The following GRIK2 variants were observed in gnomAD, a reference collection of about 807,000 sequenced individuals.
GRIK2 encodes glutamate receptor ionotropic, kainate 2.
GRIK2 carries 32 observed loss-of-function variants against 100.3 expected under a neutral mutation model. The observed-to-expected ratio is 0.32, with a 90% CI of 0.24 to 0.43. GRIK2 has a LOEUF of 0.43. Ranked by LOEUF, GRIK2 falls within the 20% of genes least tolerant of loss-of-function variation. The probability of loss-of-function intolerance (pLI) is 1.00; values close to 1 mark genes in which losing one functional copy is unlikely to be tolerated. For synonymous variants in GRIK2, 417 were observed against 389.4 expected, an observed-to-expected ratio of 1.07 and a Z score of -0.83; for missense variants, 843 against 1,114.9, an observed-to-expected ratio of 0.76 and a Z score of 3.47.
intron 2 of GRIK2, among the ~76,000 whole-genome samples, chr6:101,560,349 AC>A (rs1562226403): frequency 6.6e-6 from 1 of 152,086 alleles, no homozygotes. Flanking sequence ...TTTTGTAGTT[AC>A]TTTTATTTGT....
intron 7 of GRIK2, among the ~76,000 whole-genome samples, chr6:101,780,842 T>G (rs1427420429): frequency 6.6e-6 from 1 of 152,178 alleles, no homozygotes; most frequent in Non-Finnish European, 1.5e-5. Flanking sequence ...GCCTTTGCCC[T>G]TTGAAAACCT....
intron 4 of GRIK2, 61 bp from the exon 5 acceptor site, chr6:101,676,562 C>G: frequency 1.0e-6 from 1 of 953,640 alleles, no homozygotes; most frequent in Admixed American, 2.7e-5. Flanking sequence ...TTTTCTGATT[C>G]TTTGCCCTAC....
chr6:101,478,404 T>C (rs555095955), intron 2 of GRIK2, among the ~76,000 whole-genome samples: 203 of 151,726 alleles, frequency 1.3e-3, no homozygotes, highest in African/African-American at 4.4e-3. Flanking sequence ...GATTAAGAAA[T>C]TAAAAGAATT....
intron 14 of GRIK2, among the ~76,000 whole-genome samples, chr6:101,974,085 T>C (rs567736654): frequency 6.6e-6 from 1 of 151,992 alleles, no homozygotes; most frequent in Non-Finnish European, 1.5e-5. Context: ...TTTTTAATAA[T>C]AGAGTCTCTA....
chr6:101,527,093 A>G (rs1454081699), intron 2 of GRIK2, among the ~76,000 whole-genome samples: 9 of 152,160 alleles, frequency 5.9e-5, no homozygotes. Flanking sequence ...TATAAACACT[A>G]GGCATCTGAT....
intron 14 of GRIK2, among the ~76,000 whole-genome samples, chr6:101,989,333 C>T (rs1794228500): frequency 6.6e-6 from 1 of 151,618 alleles, no homozygotes; most frequent in African/African-American, 2.4e-5. Context: ...GTAATTCACA[C>T]TGGTTTTGAT....
At chr6:101,556,099 C>A (rs949980165) in intron 2 of GRIK2, among the ~76,000 whole-genome samples, 3 of 151,726 alleles carry the variant, frequency 2.0e-5, no homozygotes, top group African/African-American at 4.8e-5. Context: ...ATCACAGATG[C>A]GTCTCTAAAT....
chr6:101,805,677 TAATA>T (rs1477338499), intron 9 of GRIK2, among the ~76,000 whole-genome samples: 1 of 151,994 alleles, frequency 6.6e-6, no homozygotes, highest in Non-Finnish European at 1.5e-5. Flanking sequence ...AACCTGCCAA[TAATA>T]AATAGACTCA....
chr6:101,623,424 A>C (rs921119799), intron 3 of GRIK2, among the ~76,000 whole-genome samples: 10 of 152,140 alleles, frequency 6.6e-5, no homozygotes, highest in Admixed American at 6.6e-4. Flanking sequence ...TAATTGCAAA[A>C]TAAATCATTA....
intron 2 of GRIK2, among the ~76,000 whole-genome samples, chr6:101,496,869 T>C (rs1465040986): frequency 6.6e-6 from 1 of 152,192 alleles, no homozygotes; most frequent in African/African-American, 2.4e-5. Context: ...CAAATAAACC[T>C]TTGGAATAGT....
chr6:101,933,089 A>C (rs1176196101), intron 14 of GRIK2, among the ~76,000 whole-genome samples: 2 of 151,996 alleles, frequency 1.3e-5, no homozygotes, highest in African/African-American at 4.8e-5. Context: ...AAAATCTACA[A>C]GGTATTGCCT....
chr6:101,473,118 T>G, intron 2 of GRIK2, among the ~76,000 whole-genome samples: 1 of 84,886 alleles, frequency 1.2e-5, no homozygotes, highest in Admixed American at 1.3e-4. Flanking sequence ...CCTTCCTTCC[T>G]TCCTTCCTTC....
chr6:101,872,496 C>G (rs559857838), intron 11 of GRIK2, among the ~76,000 whole-genome samples: 2 of 151,950 alleles, frequency 1.3e-5, no homozygotes, highest in African/African-American at 4.8e-5. Flanking sequence ...GGTAACCACC[C>G]CCATGATTGA....
At chr6:101,683,135 G>A (rs1415402199) in intron 6 of GRIK2, among the ~76,000 whole-genome samples, 1 of 151,914 alleles carries the variant, frequency 6.6e-6, no homozygotes, top group Admixed American at 6.6e-5. Context: ...CCTGGGAGGC[G>A]GAGGTTGCAG....
intron 2 of GRIK2, among the ~76,000 whole-genome samples, chr6:101,563,128 TC>T (rs1458143104): frequency 1.9e-4 from 29 of 152,178 alleles, no homozygotes; most frequent in African/African-American, 6.3e-4. Flanking sequence ...ATTCCTTTTT[TC>T]ACCTGCTAAT....
intron 4 of GRIK2, among the ~76,000 whole-genome samples, chr6:101,642,619 C>T (rs1781328563): frequency 6.6e-6 from 1 of 151,568 alleles, no homozygotes; most frequent in African/African-American, 2.4e-5. Flanking sequence ...ATGTATGTGT[C>T]ACATATTATT....
intron 10 of GRIK2, among the ~76,000 whole-genome samples, chr6:101,818,806 ATATAG>A (rs1233636705): frequency 1.3e-5 from 2 of 152,162 alleles, no homozygotes; most frequent in African/African-American, 4.8e-5. Flanking sequence ...AGCTCTATAA[ATATAG>A]TTAAGTGATG....
chr6:101,898,413 G>A (rs1787618461), intron 12 of GRIK2, among the ~76,000 whole-genome samples: 1 of 151,298 alleles, frequency 6.6e-6, no homozygotes, highest in South Asian at 2.1e-4. Context: ...TTTAAAGTAT[G>A]CTCTATTAAA....
chr6:101,579,097 G>T (rs1777926292), intron 2 of GRIK2, among the ~76,000 whole-genome samples: 1 of 151,998 alleles, frequency 6.6e-6, no homozygotes, highest in Non-Finnish European at 1.5e-5. Flanking sequence ...CACATTAAAA[G>T]CACATAGTAA....
Sources: gnomAD v4.1 joint callset for allele counts (sites outside exome capture counted in the v4.1 genomes callset) on GRCh38, gnomAD v4.1.1 for gene constraint, MANE v1.5 for transcripts, NCBI Gene and HGNC (gene_info 2026-07-23, HGNC 2026-07-21) for gene names.